The following RARRES1 variants were observed in gnomAD, a reference collection of about 807,000 sequenced individuals.
The protein encoded by RARRES1 is retinoic acid receptor responder protein 1.
Under a neutral mutation model 30.6 loss-of-function variants are expected in RARRES1, and 34 were observed. That is an observed-to-expected ratio of 1.11 (90% CI 0.84 to 1.48). The LOEUF (loss-of-function observed/expected upper bound fraction) is 1.48, where lower values mean the gene tolerates loss of function less well. RARRES1 is among the 40% of genes most tolerant of loss of function. The pLI, the probability that RARRES1 is intolerant of heterozygous loss-of-function variation, is 0.00. For missense variants in RARRES1, 373 were observed against 386.5 expected (o/e 0.97, Z 0.29); for synonymous variants, 153 against 155.5 (o/e 0.98, Z 0.12).
At chr3:158,705,113 A>G (rs1338148782) in intron 3 of RARRES1, among the ~76,000 whole-genome samples, 186 bp from the exon 4 acceptor site, 3 of 152,204 alleles carry the variant, frequency 2.0e-5, no homozygotes, top group Non-Finnish European at 4.4e-5. Flanking sequence ...ATATTCTTCA[A>G]CTTGCCAAAC....
intron 1 of RARRES1, among the ~76,000 whole-genome samples, chr3:158,727,342 G>A (rs1275427879): frequency 2.6e-5 from 4 of 152,326 alleles, no homozygotes; most frequent in Non-Finnish European, 5.9e-5. Flanking sequence ...TTGATCAAGT[G>A]TTTAAAGTAT....
intron 3 of RARRES1, among the ~76,000 whole-genome samples, chr3:158,707,321 C>T (rs536185387): frequency 2.0e-5 from 3 of 152,126 alleles, no homozygotes; most frequent in African/African-American, 7.2e-5. Flanking sequence ...ATAGAATCTA[C>T]TTTTGAAAAG....
chr3:158,712,747 G>A (rs1727178491), intron 2 of RARRES1, among the ~76,000 whole-genome samples: 1 of 152,068 alleles, frequency 6.6e-6, no homozygotes, highest in Non-Finnish European at 1.5e-5. Context: ...AATCAAAGCC[G>A]TTGCCTGAGG....
At chr3:158,724,698 C>T (rs1296780610) in intron 1 of RARRES1, among the ~76,000 whole-genome samples, 1 of 152,234 alleles carries the variant, frequency 6.6e-6, no homozygotes, top group Non-Finnish European at 1.5e-5. Flanking sequence ...TTTGTTATAG[C>T]AGCAATAGGA....
intron 4 of RARRES1, among the ~76,000 whole-genome samples, chr3:158,703,649 A>G (rs933813848): frequency 3.9e-5 from 6 of 152,156 alleles, no homozygotes; most frequent in African/African-American, 1.2e-4. Flanking sequence ...CAGTTGCTCA[A>G]TGAAATGGGC....
At chr3:158,707,700 T>C (rs1726972346) in intron 3 of RARRES1, among the ~76,000 whole-genome samples, 1 of 152,048 alleles carries the variant, frequency 6.6e-6, no homozygotes, top group African/African-American at 2.4e-5. Flanking sequence ...TCATGTGGAG[T>C]GCAGTAAGAT....
chr3:158,722,683 T>C (rs1727555497), intron 1 of RARRES1, among the ~76,000 whole-genome samples: 1 of 151,734 alleles, frequency 6.6e-6, no homozygotes, highest in Non-Finnish European at 1.5e-5. Flanking sequence ...GAGATTGAGA[T>C]CATCCTGGCT....
rs115302818 is a variant in RARRES1 at position 158,702,996 on chromosome 3, C to T, written c.672+1795G>A. Among the ~76,000 whole-genome samples the T allele has an allele frequency of 5.1e-3, 780 of 152,272 alleles. 7 individuals are homozygous for T. The highest frequency in any genetic ancestry group is 0.018 in the African/African-American group (754 of 41,550). ...CTTAATGCTGGGTAAATCCTGTACT[C>T]AGAAGATACTCACTGATGATCCATC... On this transcript the variant is annotated intron_variant, in intron 4 of 5. Transcript: ENST00000237696.
At chr3:158,718,757 A>C (rs1353312479) in intron 1 of RARRES1, among the ~76,000 whole-genome samples, 1 of 152,176 alleles carries the variant, frequency 6.6e-6, no homozygotes, top group Non-Finnish European at 1.5e-5. Flanking sequence ...TCACCTTATA[A>C]AGACCTCTGG....
intron 3 of RARRES1, among the ~76,000 whole-genome samples, chr3:158,707,620 G>C (rs961970323): frequency 2.2e-4 from 34 of 152,188 alleles, no homozygotes; most frequent in Admixed American, 2.2e-3. Flanking sequence ...CAGGAGGCAA[G>C]ACCGTCTCCT....
rs574609197 is a variant in RARRES1 at position 158,719,269 on chromosome 3, A to AT, written c.277-5411dup. 2.5e-3 allele frequency among the ~76,000 whole-genome samples: 306 copies of AT among 122,120 alleles called. 1 individual carries two copies. Among genetic ancestry groups the AT allele is most frequent in the East Asian group, 3.6e-3 (16 of 4,454 alleles). The allele number at this position is 122,120 out of a possible 152,430, so 80.1% of individuals were successfully genotyped here. On this transcript the variant is annotated intron_variant, in intron 1 of 5. Coordinates refer to ENST00000237696, the MANE Select transcript of RARRES1 (RefSeq NM_206963.2). ...CACTAATAACATGGTTTATGCTCTA[A>AT]TTTTTTTTTTTTTTTTTTTTGAGAC...
At chr3:158,725,429 T>C (rs1727656003) in intron 1 of RARRES1, among the ~76,000 whole-genome samples, 2 of 152,224 alleles carry the variant, frequency 1.3e-5, no homozygotes, top group African/African-American at 4.8e-5. Context: ...GTGGGCTGAT[T>C]ATTTACATGC....
At chr3:158,706,100 G>A (rs1366635915) in intron 3 of RARRES1, among the ~76,000 whole-genome samples, 1 of 152,176 alleles carries the variant, frequency 6.6e-6, no homozygotes, top group South Asian at 2.1e-4. Context: ...GTAATCCTTA[G>A]CATAAATTCT....
Position 158,710,837 on chromosome 3 carries a change from T to G in RARRES1, c.436A>C (p.Thr146Pro). ...KPRPTINVTC[T>P]RLIEKKKRQQ... is the part of the protein sequence containing the mutation. ...CTTTTCTTTTTCTCGATGAGCCGTG[T>G]ACAAGTTACATTGATGGTTGGTCTG... The change falls in exon 3 of 6, where the codon ACA becomes CCA. Residue 146 changes from threonine to proline, a missense_variant. Transcript: ENST00000237696. 1 of 1,613,674 alleles carries G rather than the reference T, an allele frequency of 6.2e-7. No homozygotes were observed. The highest frequency in any genetic ancestry group is 8.5e-7 in the Non-Finnish European group (1 of 1,179,560).
intron 2 of RARRES1, among the ~76,000 whole-genome samples, chr3:158,712,330 G>T (rs1181978059): frequency 1.3e-5 from 2 of 152,208 alleles, no homozygotes; most frequent in African/African-American, 4.8e-5. Context: ...AGTCAAGGTT[G>T]CAGTGAGCCA....
intron 1 of RARRES1, among the ~76,000 whole-genome samples, chr3:158,717,392 C>T (rs1371658473): frequency 6.6e-6 from 1 of 152,160 alleles, no homozygotes; most frequent in Non-Finnish European, 1.5e-5. Flanking sequence ...GAGAGGATGG[C>T]TAGAGAATTG....
At chr3:158,726,807 T>A (rs1440834311) in intron 1 of RARRES1, among the ~76,000 whole-genome samples, 1 of 152,214 alleles carries the variant, frequency 6.6e-6, no homozygotes, top group Non-Finnish European at 1.5e-5. Flanking sequence ...ATGATTTGGA[T>A]GTTTGTCCTC....
At chr3:158,722,609 G>C (rs2108150619) in intron 1 of RARRES1, among the ~76,000 whole-genome samples, 1 of 152,188 alleles carries the variant, frequency 6.6e-6, no homozygotes, top group South Asian at 2.1e-4. Flanking sequence ...CTGGCCGGGC[G>C]CTGTGGCTCA....
At chr3:158,730,049 C>T (rs1727820886) in intron 1 of RARRES1, among the ~76,000 whole-genome samples, 1 of 152,050 alleles carries the variant, frequency 6.6e-6, no homozygotes, top group Non-Finnish European at 1.5e-5. Flanking sequence ...TGGCCCGGCA[C>T]GGTGGCTCAT....
Sources: gnomAD v4.1 joint callset for allele counts (sites outside exome capture counted in the v4.1 genomes callset) on GRCh38, gnomAD v4.1.1 for gene constraint, MANE v1.5 for transcripts, NCBI Gene and HGNC (gene_info 2026-07-23, HGNC 2026-07-21) for gene names.